Variants in IMMP2L observed in about 807,000 individuals in gnomAD.
The protein encoded by IMMP2L is inner mitochondrial membrane peptidase subunit 2.
IMMP2L carries 18 observed loss-of-function variants against 19.3 expected under a neutral mutation model. The ratio of observed to expected loss-of-function variants is 0.93; its 90% CI spans 0.64 to 1.38. The LOEUF (loss-of-function observed/expected upper bound fraction) is 1.38, where lower values mean the gene tolerates loss of function less well. Among genes scored for constraint, IMMP2L ranks in the 40% most tolerant of loss-of-function variants. The pLI is 0.00. For synonymous variants in IMMP2L, 76 were observed against 73.0 expected, an observed-to-expected ratio of 1.04 and a Z score of -0.21; for missense variants, 233 against 218.2, an observed-to-expected ratio of 1.07 and a Z score of -0.43.
At chr7:111,551,966 T>G (rs367692851) in intron 1 of IMMP2L, among the ~76,000 whole-genome samples, 32 of 152,270 alleles carry the variant, frequency 2.1e-4, no homozygotes, top group African/African-American at 7.0e-4. Context: ...TTCAGAGGTT[T>G]CCTCAAGGAG....
At chr7:111,058,268 C>A (rs1019647846) in intron 3 of IMMP2L, among the ~76,000 whole-genome samples, 5 of 152,030 alleles carry the variant, frequency 3.3e-5, no homozygotes, top group Non-Finnish European at 5.9e-5. Flanking sequence ...CAAAAGACAA[C>A]TAATAAAAAT....
At chr7:111,298,776 G>A (rs1821898533) in intron 3 of IMMP2L, among the ~76,000 whole-genome samples, 1 of 147,328 alleles carries the variant, frequency 6.8e-6, no homozygotes, top group Non-Finnish European at 1.5e-5. Context: ...AAAAAAAGCA[G>A]CCGATCTTTT....
At chr7:111,292,414 G>T (rs1485260667) in intron 3 of IMMP2L, among the ~76,000 whole-genome samples, 1 of 151,894 alleles carries the variant, frequency 6.6e-6, no homozygotes, top group Non-Finnish European at 1.5e-5. Context: ...CTCCCTATGT[G>T]AATTACCCTG....
chr7:111,239,888 T>C (rs1408239773), intron 3 of IMMP2L, among the ~76,000 whole-genome samples: 1 of 152,014 alleles, frequency 6.6e-6, no homozygotes, highest in African/African-American at 2.4e-5. Context: ...TTGTTCTTTT[T>C]AAAAGGTCTT....
chr7:110,994,680 G>C (rs775410235), intron 3 of IMMP2L, among the ~76,000 whole-genome samples: 1 of 152,158 alleles, frequency 6.6e-6, no homozygotes, highest in Non-Finnish European at 1.5e-5. Context: ...CTGTGTGTGA[G>C]AGAAATACAT....
At chr7:111,098,857 C>A (rs1035483575) in intron 3 of IMMP2L, among the ~76,000 whole-genome samples, 1 of 151,670 alleles carries the variant, frequency 6.6e-6, no homozygotes, top group African/African-American at 2.4e-5. Flanking sequence ...GTTGGTACTG[C>A]CTAAATATAG....
chr7:110,832,417 T>C (rs1462315459), intron 5 of IMMP2L, among the ~76,000 whole-genome samples: 1 of 152,182 alleles, frequency 6.6e-6, no homozygotes, highest in Non-Finnish European at 1.5e-5. Context: ...CGTCCCAGTA[T>C]GTGACACATT....
At chr7:111,243,357 G>A (rs952332180) in intron 3 of IMMP2L, among the ~76,000 whole-genome samples, 4 of 152,024 alleles carry the variant, frequency 2.6e-5, no homozygotes, top group Admixed American at 2.6e-4. Flanking sequence ...AATGTACACA[G>A]TACTAGTAAA....
chr7:111,379,470 T>C (rs1290685339), intron 3 of IMMP2L, among the ~76,000 whole-genome samples: 1 of 151,776 alleles, frequency 6.6e-6, no homozygotes, highest in Non-Finnish European at 1.5e-5. Flanking sequence ...TTTCATAATA[T>C]GGCACCTTAA....
intron 3 of IMMP2L, among the ~76,000 whole-genome samples, chr7:111,260,673 T>A (rs1211851940): frequency 1.3e-5 from 2 of 152,116 alleles, no homozygotes; most frequent in Admixed American, 6.6e-5. Context: ...TACTGGGTTG[T>A]GGTACTTTAG....
intron 3 of IMMP2L, among the ~76,000 whole-genome samples, chr7:111,359,459 T>C (rs1179492866): frequency 6.6e-6 from 1 of 151,664 alleles, no homozygotes. Context: ...CCGCCACCAC[T>C]CCTGGCTAAT....
chr7:110,843,654 A>G (rs1805332252), intron 5 of IMMP2L, among the ~76,000 whole-genome samples: 1 of 152,216 alleles, frequency 6.6e-6, no homozygotes, highest in Non-Finnish European at 1.5e-5. Context: ...CAGAGATAAC[A>G]CAGATAAATG....
At chr7:111,122,987 A>G in intron 3 of IMMP2L, 1 of 1,614,054 alleles carries the variant, frequency 6.2e-7, no homozygotes, top group Non-Finnish European at 8.5e-7. Context: ...GCTAACACAC[A>G]GATTCTTCTC....
chr7:111,485,597 C>CAAAAAAAA lies in IMMP2L; in HGVS notation c.239+1633_239+1640dup, dbSNP rs71147477. Among the ~76,000 whole-genome samples, 48 of 50,562 alleles carry CAAAAAAAA rather than the reference C, an allele frequency of 9.5e-4. 9 individuals carry two copies. The highest frequency in any genetic ancestry group is 3.4e-3 in the African/African-American group (40 of 11,656). 33.2% of individuals were successfully genotyped at this position (50,562 alleles called of 152,430 possible). A position where few individuals can be genotyped will look rare whatever the true frequency, so the allele number is the denominator to read the frequency against. ...TGCGCAACAGAGCGAGACTCTGTTT[C>CAAAAAAAA]AAAAAAAAAAAAAAAAAAAAAAAAA... On this transcript the variant is annotated intron_variant, in intron 3 of 5. Transcript: ENST00000405709.
At chr7:110,899,416 TAC>T (rs1405510289) in intron 4 of IMMP2L, among the ~76,000 whole-genome samples, 1 of 152,196 alleles carries the variant, frequency 6.6e-6, no homozygotes, top group African/African-American at 2.4e-5. Context: ...ACAATAGTAC[TAC>T]AGAAAGAGAA....
At chr7:110,874,127 G>C (rs1808822923) in intron 5 of IMMP2L, among the ~76,000 whole-genome samples, 1 of 152,058 alleles carries the variant, frequency 6.6e-6, no homozygotes, top group South Asian at 2.1e-4. Flanking sequence ...TTTTAAACAG[G>C]ATTGGAGTAA....
chr7:110,690,956 A>T (rs1793454452), intron 5 of IMMP2L, among the ~76,000 whole-genome samples: 1 of 152,168 alleles, frequency 6.6e-6, no homozygotes, highest in Non-Finnish European at 1.5e-5. Context: ...TTTTCACAGA[A>T]TTAGAAAAAA....
chr7:111,367,078 G>C (rs1326006895), intron 3 of IMMP2L, among the ~76,000 whole-genome samples: 1 of 151,180 alleles, frequency 6.6e-6, no homozygotes, highest in Non-Finnish European at 1.5e-5. Context: ...AGAGGAATAG[G>C]AGAGAGGAGG....
intron 4 of IMMP2L, among the ~76,000 whole-genome samples, chr7:110,947,478 C>T (rs1000176556): frequency 6.6e-6 from 1 of 152,090 alleles, no homozygotes; most frequent in African/African-American, 2.4e-5. Context: ...AAAAGACGGC[C>T]CCAGAAATCC....
Sources: gnomAD v4.1 joint callset for allele counts (sites outside exome capture counted in the v4.1 genomes callset) on GRCh38, gnomAD v4.1.1 for gene constraint, MANE v1.5 for transcripts, NCBI Gene and HGNC (gene_info 2026-07-23, HGNC 2026-07-21) for gene names.